The following TMEM181 variants were observed in gnomAD, a reference collection of about 807,000 sequenced individuals.
TMEM181 encodes the protein transmembrane protein 181, also known as G protein-coupled receptor 178.
Under a neutral mutation model 71.9 loss-of-function variants are expected in TMEM181, and 39 were observed. The ratio of observed to expected loss-of-function variants is 0.54; its 90% CI spans 0.42 to 0.71. The LOEUF is 0.71. Among genes scored for constraint, TMEM181 ranks in the 30% least tolerant of loss-of-function variants. The pLI, the probability that TMEM181 is intolerant of heterozygous loss-of-function variation, is 0.00. For synonymous variants in TMEM181, 245 were observed against 228.8 expected, an observed-to-expected ratio of 1.07 and a Z score of -0.64; for missense variants, 595 against 583.0, an observed-to-expected ratio of 1.02 and a Z score of -0.21.
intron 1 of TMEM181, among the ~76,000 whole-genome samples, chr6:158,538,981 G>T (rs756481282): frequency 2.6e-5 from 4 of 152,236 alleles, no homozygotes; most frequent in Non-Finnish European, 5.9e-5. Flanking sequence ...AGCCTTGAAG[G>T]TCAGACTAAG....
At chr6:158,605,481 A>G (rs1359994338) in intron 7 of TMEM181, 134 bp downstream of exon 7, 8 of 793,982 alleles carry the variant, frequency 1.0e-5, no homozygotes, top group Non-Finnish European at 1.7e-5. Context: ...GGCTGTGCTG[A>G]TATTACAACT....
chr6:158,557,590 T>C (rs1032766816), upstream of TMEM181, among the ~76,000 whole-genome samples: 4 of 152,086 alleles, frequency 2.6e-5, no homozygotes, highest in Non-Finnish European at 5.9e-5. Flanking sequence ...TGATCTTGGC[T>C]CACTGCAAGC....
intron 3 of TMEM181, among the ~76,000 whole-genome samples, chr6:158,581,682 G>C (rs1783486815): frequency 1.3e-5 from 2 of 151,240 alleles, no homozygotes. Context: ...GTGAACCCGG[G>C]CGGGGGAGCT....
intron 13 of TMEM181, among the ~76,000 whole-genome samples, chr6:158,627,105 CCTCT>C (rs552769150): frequency 2.5e-5 from 2 of 79,088 alleles, no homozygotes; most frequent in Non-Finnish European, 4.8e-5. Flanking sequence ...TCGTTTTCAC[CCTCT>C]CTCACACCCT....
chr6:158,542,693 C>T (rs2128278043), intron 1 of TMEM181, among the ~76,000 whole-genome samples: 1 of 152,252 alleles, frequency 6.6e-6, no homozygotes, highest in East Asian at 1.9e-4. Context: ...CAACCTACAC[C>T]TCCTGGGTTC....
At position 158,560,247 on chromosome 6, in the gene TMEM181, G is replaced by T; in HGVS notation, c.8+15G>T. The T allele has an allele frequency of 2.0e-6, 2 of 985,056 alleles. No individual in the cohort carries two copies. The highest frequency in any genetic ancestry group is 1.7e-5 in the African/African-American group (1 of 57,256). The allele number at this position is 985,056 out of a possible 1,614,324, so 61.0% of individuals were successfully genotyped here. On this transcript the variant is annotated intron_variant, in intron 1 of 16. Coordinates refer to ENST00000684151, the MANE Select transcript of TMEM181 (RefSeq NM_001376852.1). ...GAGATGGAGCCGTGAGTCCCCGGCC[G>T]AGCGGGCGGGCTGGCTGGCTCTCCG...
intron 13 of TMEM181, among the ~76,000 whole-genome samples, chr6:158,626,100 C>G (rs562728743): frequency 1.3e-5 from 2 of 152,320 alleles, no homozygotes; most frequent in East Asian, 3.9e-4. Context: ...GCCCCAGGGA[C>G]AGGACTCTAA....
chr6:158,572,597 CAG>C (rs2128293502), intron 1 of TMEM181: 1 of 394,684 alleles, frequency 2.5e-6, no homozygotes, highest in Non-Finnish European at 5.1e-6. Flanking sequence ...TGCCTTGCGA[CAG>C]AGACCGGTGT....
intron 10 of TMEM181, among the ~76,000 whole-genome samples, chr6:158,619,808 G>C (rs1216795646): frequency 6.7e-6 from 1 of 148,364 alleles, no homozygotes; most frequent in Non-Finnish European, 1.5e-5. Flanking sequence ...GGCAGAGGTT[G>C]CAGTGAGCTG....
intron 1 of TMEM181, among the ~76,000 whole-genome samples, chr6:158,561,556 C>G (rs1164513419): frequency 6.6e-6 from 1 of 152,134 alleles, no homozygotes; most frequent in Non-Finnish European, 1.5e-5. Flanking sequence ...GCTGGGTGTG[C>G]TTTTTCAGTA....
At chr6:158,548,840 AC>A (rs1355898573) in intron 1 of TMEM181, among the ~76,000 whole-genome samples, 1 of 152,154 alleles carries the variant, frequency 6.6e-6, no homozygotes, top group African/African-American at 2.4e-5. Context: ...AAAATAAAAT[AC>A]GTGTTTCGGT....
rs766926187 is a variant in TMEM181 at position 158,607,278 on chromosome 6, TGA to T, written c.613_614del (p.Asp205LeufsTer20). 6.2e-7 allele frequency: 1 copy of T among 1,614,228 alleles called. No homozygotes were observed. The highest frequency in any genetic ancestry group is 1.1e-5 in the South Asian group (1 of 91,088). ...GCGCATTCCCTCCGGAAATTTTCCA[TGA>T]GAGACTGGGGCATCGAGCAGAAGTG... On this transcript the variant is annotated frameshift_variant, in exon 8 of 17. Coordinates refer to ENST00000684151, the MANE Select transcript of TMEM181 (RefSeq NM_001376852.1). LOFTEE classifies it high-confidence loss of function.
intron 3 of TMEM181, 33 bp from the exon 4 acceptor site, chr6:158,583,921 G>T (rs1258567875): frequency 1.3e-6 from 2 of 1,540,726 alleles, no homozygotes; most frequent in Non-Finnish European, 8.9e-7. Flanking sequence ...CAATGAAAAG[G>T]TCACATGGAT....
chr6:158,628,614 C>T lies in TMEM181; in HGVS notation c.1192+124C>T, dbSNP rs1424829145. 1.8e-5 allele frequency: 14 copies of T among 788,682 alleles called. No homozygotes were observed. The South Asian group carries it at 2.0e-4, about 11-fold the overall frequency. 48.9% of individuals were successfully genotyped at this position (788,682 alleles called of 1,614,324 possible). A position where few individuals can be genotyped will look rare whatever the true frequency, so the allele number is the denominator to read the frequency against. ...CTCCTCGCGCCCTGTTCTCCGGAGG[C>T]CTCGTCTCTGCTGAGAGGTGTCTCA... On this transcript the variant is annotated intron_variant, in intron 14 of 16. Transcript: ENST00000684151.
At chr6:158,625,252 C>G (rs1020341325) in intron 12 of TMEM181, 46 bp downstream of exon 12, 1 of 1,538,566 alleles carries the variant, frequency 6.5e-7, no homozygotes, top group Non-Finnish European at 9.0e-7. Flanking sequence ...TTGGGAGTGA[C>G]TCAGGTGGGG....
intron 1 of TMEM181, among the ~76,000 whole-genome samples, chr6:158,548,206 C>T (rs9347239): frequency 0.72 from 109,957 of 151,950 alleles, 40,138 homozygotes; most frequent in East Asian, 0.99. Context: ...GTGTTTGTCC[C>T]GAAGCTCTGG....
chr6:158,570,542 C>T (rs539119572), intron 1 of TMEM181, among the ~76,000 whole-genome samples: 22 of 151,566 alleles, frequency 1.5e-4, no homozygotes, highest in East Asian at 5.8e-4. Flanking sequence ...CGCCCGGCCC[C>T]GTACACTCTT....
At chr6:158,599,650 G>A (rs1308764304) in intron 6 of TMEM181, among the ~76,000 whole-genome samples, 4 of 152,374 alleles carry the variant, frequency 2.6e-5, no homozygotes, top group East Asian at 1.9e-4. Flanking sequence ...GGGACGGAAC[G>A]ACCTCTACTT....
intron 3 of TMEM181, among the ~76,000 whole-genome samples, chr6:158,583,116 C>G (rs1366634752): frequency 6.6e-6 from 1 of 151,980 alleles, no homozygotes; most frequent in Non-Finnish European, 1.5e-5. Flanking sequence ...GCCTGTAATC[C>G]CAGCTATTTG....
Sources: allele counts gnomAD v4.1 joint callset (sites outside exome capture counted in the v4.1 genomes callset), GRCh38; gene constraint gnomAD v4.1.1; transcripts MANE v1.5; gene names NCBI Gene and HGNC (gene_info 2026-07-23, HGNC 2026-07-21).